The following RHOBTB1 variants were observed in gnomAD, a reference collection of about 807,000 sequenced individuals.
The protein encoded by RHOBTB1 is rho-related BTB domain-containing protein 1.
RHOBTB1 carries 40 observed loss-of-function variants against 71.6 expected under a neutral mutation model. That is an observed-to-expected ratio of 0.56 (90% CI 0.43 to 0.73). The LOEUF (loss-of-function observed/expected upper bound fraction) is 0.73, where lower values mean the gene tolerates loss of function less well. Among genes scored for constraint, RHOBTB1 ranks in the 30% least tolerant of loss-of-function variants. RHOBTB1 has a pLI of 0.00. For missense variants in RHOBTB1, 797 were observed against 894.0 expected, an observed-to-expected ratio of 0.89 and a Z score of 1.38; for synonymous variants, 319 against 334.9, an observed-to-expected ratio of 0.95 and a Z score of 0.52.
rs893258799 is a variant in RHOBTB1 at position 60,870,136 on chromosome 10, C to G, written c.*1346G>C. ...TGGAGCTGTGGCCTTGAAATGCTCTCTGTGTGTGTATGTGTGTGCTGTAAC... is the reference window on the plus strand; with the variant it reads ...TGGAGCTGTGGCCTTGAAATGCTCTGTGTGTGTGTATGTGTGTGCTGTAAC... On this transcript the variant is annotated 3_prime_UTR_variant, in exon 11 of 11. Transcript: ENST00000337910. 35 of 152,660 alleles carry G rather than the reference C, an allele frequency of 2.3e-4. No homozygotes were observed. Among genetic ancestry groups the G allele is most frequent in the East Asian group, 1.9e-3 (10 of 5,182 alleles). The allele number at this position is 152,660 out of a possible 1,614,324, so 9.5% of individuals were successfully genotyped here. A position where few individuals can be genotyped will look rare whatever the true frequency, so the allele number is the denominator to read the frequency against.
At chr10:61,000,618 A>G (rs990378102) in intron 1 of RHOBTB1, among the ~76,000 whole-genome samples, 2 of 152,214 alleles carry the variant, frequency 1.3e-5, no homozygotes, top group Non-Finnish European at 2.9e-5. Context: ...AAATACATGC[A>G]TGTGTATTGA....
At chr10:60,987,224 T>TC (rs1432487225) in intron 1 of RHOBTB1, among the ~76,000 whole-genome samples, 2 of 152,164 alleles carry the variant, frequency 1.3e-5, no homozygotes, top group Admixed American at 1.3e-4. Context: ...CTCAAGAAAC[T>TC]CCCCTGAATT....
At chr10:60,990,553 C>T (rs916207470) in intron 1 of RHOBTB1, among the ~76,000 whole-genome samples, 1 of 152,162 alleles carries the variant, frequency 6.6e-6, no homozygotes, top group African/African-American at 2.4e-5. Flanking sequence ...TCCATCCGTG[C>T]TCAATAAAAC....
chr10:60,976,541 T>C (rs749064976), intron 2 of RHOBTB1, among the ~76,000 whole-genome samples: 19 of 151,934 alleles, frequency 1.3e-4, no homozygotes, highest in Non-Finnish European at 2.4e-4. Flanking sequence ...CTGAAACAAA[T>C]ATTTCAGTGA....
chr10:60,888,599 G>T lies in RHOBTB1; in HGVS notation c.1069C>A (p.Leu357Met). ...KSSNKSLVEA[L>M]GLEAEGAVPE... ...ACTGCACCCTCGGCTTCCAGCCCCA[G>T]AGCCTCCACCAGGCTCTTGTTTGAA... The change falls in exon 6 of 11, where the codon CTG (leucine) becomes ATG (methionine). Residue 357 changes from leucine to methionine, a missense_variant. Around this residue, in one of 2 missense-constraint regions of RHOBTB1, gnomAD observed 658 missense variants for 681.5 expected, o/e 0.97. Coordinates refer to ENST00000337910, the MANE Select transcript of RHOBTB1 (RefSeq NM_014836.5). 6.2e-7 allele frequency: 1 copy of T among 1,614,158 alleles called. No homozygotes were observed. Among genetic ancestry groups the T allele is most frequent in the Non-Finnish European group, 8.5e-7 (1 of 1,180,026 alleles).
At chr10:60,960,966 G>A (rs895634250) in intron 2 of RHOBTB1, among the ~76,000 whole-genome samples, 9 of 152,104 alleles carry the variant, frequency 5.9e-5, no homozygotes, top group African/African-American at 1.2e-4. Context: ...CTTGGGGTTC[G>A]TGGGGGTGGA....
chr10:60,995,965 A>G (rs2087033826), intron 1 of RHOBTB1, among the ~76,000 whole-genome samples: 1 of 152,198 alleles, frequency 6.6e-6, no homozygotes, highest in South Asian at 2.1e-4. Context: ...ATGCAGTATC[A>G]CACACTGTGC....
In RHOBTB1 at chr10:60,952,041, G is replaced by C. The variant is rs181508847; in HGVS notation, c.-61-10187C>G. On this transcript the variant is annotated intron_variant, in intron 2 of 11. Coordinates refer to the RHOBTB1 transcript ENST00000357917. Reference sequence around the variant, plus strand: ...ACACTGCACTCCAGCCTGGACAACAGAGCGAGACTCTGTCACAGCCCCCCA... The same window carrying C: ...ACACTGCACTCCAGCCTGGACAACACAGCGAGACTCTGTCACAGCCCCCCA... Among the ~76,000 whole-genome samples the C allele has an allele frequency of 1.7e-3, 260 of 152,084 alleles. 1 individual carries two copies. Among genetic ancestry groups the C allele is most frequent in the African/African-American group, 5.5e-3 (228 of 41,466 alleles).
rs989756840 is a variant in RHOBTB1 at position 60,871,345 on chromosome 10, A to G, written c.*137T>C. The G allele has an allele frequency of 7.5e-6, 6 of 794,994 alleles. No homozygotes were observed. Among genetic ancestry groups the G allele is most frequent in the East Asian group, 5.3e-5 (2 of 37,856 alleles). 49.2% of individuals were successfully genotyped at this position (794,994 alleles called of 1,614,324 possible). On this transcript the variant is annotated 3_prime_UTR_variant, in exon 11 of 11. Coordinates refer to ENST00000337910, the MANE Select transcript of RHOBTB1 (RefSeq NM_014836.5). ...TTGATCCTAACAAAGATAAATGCAC[A>G]AAAGTGGAGGAAGATCAGTGCCCGA...
At chr10:60,966,704 ATACTT>A (rs1023257264) in intron 2 of RHOBTB1, among the ~76,000 whole-genome samples, 2 of 148,744 alleles carry the variant, frequency 1.3e-5, no homozygotes, top group Admixed American at 1.3e-4. Flanking sequence ...TTTTTTTACT[ATACTT>A]TAAGTTCTAG....
intron 4 of RHOBTB1, among the ~76,000 whole-genome samples, chr10:60,903,733 G>A (rs2082526207): frequency 6.6e-6 from 1 of 152,092 alleles, no homozygotes; most frequent in Non-Finnish European, 1.5e-5. Context: ...CTATCTCTGA[G>A]AAAAGGGAAC....
At chr10:60,952,054 TC>T (rs2085429377) in intron 2 of RHOBTB1, among the ~76,000 whole-genome samples, 1 of 151,806 alleles carries the variant, frequency 6.6e-6, no homozygotes, top group Non-Finnish European at 1.5e-5. Context: ...CGAGACTCTG[TC>T]ACAGCCCCCC....
intron 1 of RHOBTB1, among the ~76,000 whole-genome samples, chr10:60,999,027 A>G (rs961613232): frequency 6.6e-6 from 1 of 152,188 alleles, no homozygotes; most frequent in Non-Finnish European, 1.5e-5. Flanking sequence ...ATTTAATGAG[A>G]TATTGTGGCA....
chr10:60,882,934 A>G (rs1169977146), intron 7 of RHOBTB1, among the ~76,000 whole-genome samples: 1 of 152,198 alleles, frequency 6.6e-6, no homozygotes, highest in Admixed American at 6.5e-5. Context: ...TCTAGGCATC[A>G]AATTCAATGC....
intron 2 of RHOBTB1, among the ~76,000 whole-genome samples, chr10:60,940,268 T>C (rs2084831208): frequency 6.6e-6 from 1 of 152,220 alleles, no homozygotes; most frequent in Non-Finnish European, 1.5e-5. Context: ...TAATAATTTG[T>C]TCCCCATTTC....
chr10:60,947,799 T>C (rs911706968), upstream of RHOBTB1, among the ~76,000 whole-genome samples: 2 of 152,222 alleles, frequency 1.3e-5, no homozygotes, highest in African/African-American at 2.4e-5. Context: ...TAAACATTTG[T>C]GTATAGGTTT....
At chr10:60,901,295 T>C (rs1339081954) in intron 4 of RHOBTB1, among the ~76,000 whole-genome samples, 6 of 152,220 alleles carry the variant, frequency 3.9e-5, no homozygotes, top group Non-Finnish European at 1.5e-5. Context: ...AGTCTAATCA[T>C]GGCAAATATT....
chr10:60,886,715 TGTGGGGGGGG>T (rs1399338776), intron 6 of RHOBTB1, among the ~76,000 whole-genome samples: 1 of 124,460 alleles, frequency 8.0e-6, no homozygotes, highest in Non-Finnish European at 1.7e-5. Context: ...TTTTAAGAGA[TGTGGGGGGGG>T]GTGGGTCTGG....
chr10:60,891,422 C>A (rs538623322), intron 5 of RHOBTB1, among the ~76,000 whole-genome samples: 1 of 147,472 alleles, frequency 6.8e-6, no homozygotes, highest in South Asian at 2.1e-4. Context: ...CCCACTGCAG[C>A]CTTGTCCTCC....
Sources: gnomAD v4.1 joint callset for allele counts (sites outside exome capture counted in the v4.1 genomes callset) on GRCh38, gnomAD v4.1.1 for gene constraint, gnomAD v4.1.1 regional missense constraint, MANE v1.5 for transcripts, NCBI Gene and HGNC (gene_info 2026-07-23, HGNC 2026-07-21) for gene names.